SYNDIG1: variants seen among roughly 807,000 people sequenced by gnomAD.
The protein encoded by SYNDIG1 is synapse differentiation inducing 1, also known as synapse differentiation-inducing gene protein 1.
SYNDIG1 carries 9 observed loss-of-function variants against 19.4 expected under a neutral mutation model. The observed-to-expected ratio is 0.46, with a 90% CI of 0.28 to 0.81. The LOEUF is 0.81. Ranked by LOEUF, SYNDIG1 falls within the 30% of genes least tolerant of loss-of-function variation. SYNDIG1 has a pLI of 0.12. For missense variants in SYNDIG1, 311 were observed against 343.3 expected (o/e 0.91, Z 0.74); for synonymous variants, 141 against 145.9 (o/e 0.97, Z 0.24).
intron 1 of SYNDIG1, among the ~76,000 whole-genome samples, chr20:24,476,999 A>C (rs2055647038): frequency 6.6e-6 from 1 of 151,828 alleles, no homozygotes; most frequent in South Asian, 2.1e-4. Flanking sequence ...AGCCCTAGAT[A>C]TATTTGAGGA....
At chr20:24,477,336 T>TA (rs1055462728) in intron 1 of SYNDIG1, among the ~76,000 whole-genome samples, 2 of 116,482 alleles carry the variant, frequency 1.7e-5, no homozygotes, top group Non-Finnish European at 3.1e-5. Flanking sequence ...CACTGTTTTG[T>TA]TTTTTTTTTC....
At chr20:24,606,477 T>C (rs1031950984) in intron 3 of SYNDIG1, among the ~76,000 whole-genome samples, 1 of 152,230 alleles carries the variant, frequency 6.6e-6, no homozygotes, top group Non-Finnish European at 1.5e-5. Context: ...TCATGCTAAA[T>C]CAAAAGCAGG....
chr20:24,555,956 C>T (rs1231914425), intron 2 of SYNDIG1, among the ~76,000 whole-genome samples: 1 of 152,138 alleles, frequency 6.6e-6, no homozygotes, highest in Admixed American at 6.5e-5. Context: ...CTTTGTAGGT[C>T]ACTCAGGACT....
At chr20:24,524,812 CTCTT>C (rs1202052108) in intron 1 of SYNDIG1, among the ~76,000 whole-genome samples, 8 of 152,142 alleles carry the variant, frequency 5.3e-5, no homozygotes, top group Admixed American at 3.3e-4. Context: ...CCCTGGCTCT[CTCTT>C]TACACAGCCT....
chr20:24,476,451 TGA>T (rs1348064856), intron 1 of SYNDIG1, among the ~76,000 whole-genome samples: 4 of 152,050 alleles, frequency 2.6e-5, no homozygotes, highest in Non-Finnish European at 5.9e-5. Context: ...GCAGATCCCT[TGA>T]GGTCAGGAGT....
intron 2 of SYNDIG1, among the ~76,000 whole-genome samples, chr20:24,556,305 A>G (rs1004058373): frequency 1.3e-5 from 2 of 152,192 alleles, no homozygotes; most frequent in African/African-American, 2.4e-5. Context: ...GTCCATTTAC[A>G]TTTAAAGTTG....
chr20:24,496,640 A>G (rs2056312286), intron 1 of SYNDIG1, among the ~76,000 whole-genome samples: 1 of 152,084 alleles, frequency 6.6e-6, no homozygotes, highest in Admixed American at 6.6e-5. Flanking sequence ...ATCATAATTC[A>G]TTTCTACTTG....
chr20:24,471,532 C>T (rs1001229450), intron 1 of SYNDIG1, among the ~76,000 whole-genome samples: 2 of 149,554 alleles, frequency 1.3e-5, no homozygotes, highest in Non-Finnish European at 1.5e-5. Flanking sequence ...AGTAGCTGAT[C>T]GGCGCCCTCT....
At chr20:24,599,778 G>A (rs1188845566) in intron 3 of SYNDIG1, among the ~76,000 whole-genome samples, 1 of 152,194 alleles carries the variant, frequency 6.6e-6, no homozygotes, top group Admixed American at 6.5e-5. Flanking sequence ...GAGCTAAAAA[G>A]TCTGATCACA....
At chr20:24,660,010 A>G (rs757586077) in intron 3 of SYNDIG1, among the ~76,000 whole-genome samples, 1 of 152,122 alleles carries the variant, frequency 6.6e-6, no homozygotes, top group Non-Finnish European at 1.5e-5. Flanking sequence ...AGCAGAGGCA[A>G]CTTGGGCCTG....
chr20:24,528,972 G>T lies in SYNDIG1; in HGVS notation c.-78-14048G>T, dbSNP rs142716940. Among the ~76,000 whole-genome samples the T allele has an allele frequency of 5.9e-5, 9 of 152,318 alleles. No individual in the cohort carries two copies. The East Asian group carries it at 1.7e-3, about 29-fold the overall frequency. ...CATTAAGAGTGTGAAATCTCAGAGA[G>T]AGTGTGAGTGCAGGCTTGTGGTTAG... is the stretch of plus-strand genomic sequence containing the variant. On this transcript the variant is annotated intron_variant, in intron 1 of 3. Coordinates refer to ENST00000376862, the MANE Select transcript of SYNDIG1 (RefSeq NM_024893.3).
At chr20:24,601,286 T>C (rs1440637100) in intron 3 of SYNDIG1, among the ~76,000 whole-genome samples, 1 of 152,242 alleles carries the variant, frequency 6.6e-6, no homozygotes, top group Non-Finnish European at 1.5e-5. Flanking sequence ...TATTATCCTT[T>C]GTGGTAATTT....
intron 1 of SYNDIG1, among the ~76,000 whole-genome samples, chr20:24,530,410 C>T (rs2057231961): frequency 6.6e-6 from 1 of 152,176 alleles, no homozygotes; most frequent in Admixed American, 6.5e-5. Context: ...TGTAATGTGC[C>T]ATTTAAATGC....
intron 2 of SYNDIG1, among the ~76,000 whole-genome samples, chr20:24,560,524 T>G (rs1001891438): frequency 4.6e-5 from 7 of 152,114 alleles, no homozygotes; most frequent in Non-Finnish European, 1.0e-4. Flanking sequence ...TTCTTATGGG[T>G]TCTATGCCTT....
At chr20:24,541,931 CAT>C (rs919097500) in intron 1 of SYNDIG1, among the ~76,000 whole-genome samples, 1 of 152,164 alleles carries the variant, frequency 6.6e-6, no homozygotes, top group African/African-American at 2.4e-5. Context: ...AACCCAGTTT[CAT>C]CTCTGAGCGG....
At chr20:24,563,795 C>G (rs985363000) in intron 2 of SYNDIG1, among the ~76,000 whole-genome samples, 5 of 152,084 alleles carry the variant, frequency 3.3e-5, no homozygotes, top group Admixed American at 1.3e-4. Context: ...TTTGTAGAGA[C>G]AGGGTCTGTG....
rs978055499 is a variant in SYNDIG1 at position 24,512,050 on chromosome 20, A to G, written c.-78-30970A>G. Among the ~76,000 whole-genome samples the G allele has an allele frequency of 2.0e-5, 3 of 147,802 alleles. No individual in the cohort carries two copies. The Admixed American group carries it at 2.0e-4, about 10-fold the overall frequency. On this transcript the variant is annotated intron_variant, in intron 1 of 3. Coordinates refer to ENST00000376862, the MANE Select transcript of SYNDIG1 (RefSeq NM_024893.3). ...CCAGTTCATATCCCAGTTCTGTACC[A>G]CAAGCCTTTGCTACTGATATAGGAG... is the stretch of plus-strand genomic sequence containing the variant.
At chr20:24,500,538 T>TTTC (rs1431798806) in intron 1 of SYNDIG1, among the ~76,000 whole-genome samples, 10 of 150,496 alleles carry the variant, frequency 6.6e-5, no homozygotes, top group African/African-American at 1.5e-4. Context: ...TTCTTCTTTC[T>TTTC]TTCTTTCTTT....
chr20:24,512,154 T>C (rs574492771), intron 1 of SYNDIG1, among the ~76,000 whole-genome samples: 12 of 112,008 alleles, frequency 1.1e-4, no homozygotes, highest in African/African-American at 4.1e-4. Context: ...TATATATATA[T>C]GCAGTGGTTC....
Sources: gnomAD v4.1 joint callset for allele counts (sites outside exome capture counted in the v4.1 genomes callset) on GRCh38, gnomAD v4.1.1 for gene constraint, MANE v1.5 for transcripts, NCBI Gene and HGNC (gene_info 2026-07-23, HGNC 2026-07-21) for gene names.